Variants in LINGO1 observed in about 807,000 individuals in gnomAD.
LINGO1 encodes leucine rich repeat and Ig domain containing 1.
In LINGO1, 11 loss-of-function variants were observed where a neutral mutation model predicts 37.3. The observed-to-expected ratio is 0.29, with a 90% CI of 0.19 to 0.49. The LOEUF is 0.49. LINGO1 is among the 20% of genes least tolerant of loss of function. The pLI, the probability that LINGO1 is intolerant of heterozygous loss-of-function variation, is 0.99. For synonymous variants in LINGO1, 387 were observed against 403.0 expected, an observed-to-expected ratio of 0.96 and a Z score of 0.48; for missense variants, 585 against 878.2, an observed-to-expected ratio of 0.67 and a Z score of 4.22.
intron 2 of LINGO1, among the ~76,000 whole-genome samples, chr15:77,688,187 G>C (rs2075543969): frequency 6.6e-6 from 1 of 152,236 alleles, no homozygotes; most frequent in Admixed American, 6.5e-5. Context: ...TGCCTCTGAA[G>C]ACAGCAGGGC....
Position 77,710,807 on chromosome 15 carries a change from C to T in LINGO1, c.-194-19906G>A, listed in dbSNP as rs147679827. On this transcript the variant is annotated intron_variant, in intron 2 of 3. Transcript: ENST00000561686. Reference sequence around the variant, plus strand: ...CACACAGCAAGCTGGCCAACCGTGCCGGGCCGCCAGGCCCCCAGATTGCAG... The same window carrying T: ...CACACAGCAAGCTGGCCAACCGTGCTGGGCCGCCAGGCCCCCAGATTGCAG... 1.5e-3 allele frequency among the ~76,000 whole-genome samples: 221 copies of T among 152,368 alleles called. 3 individuals carry two copies. Among genetic ancestry groups the T allele is most frequent in the African/African-American group, 5.1e-3 (214 of 41,594 alleles).
At chr15:77,702,590 C>T (rs540101363) in intron 2 of LINGO1, among the ~76,000 whole-genome samples, 31 of 152,320 alleles carry the variant, frequency 2.0e-4, no homozygotes, top group African/African-American at 7.2e-4. Context: ...TATCAGTATT[C>T]TAATTCTCTA....
intron 2 of LINGO1, among the ~76,000 whole-genome samples, chr15:77,709,207 T>C (rs1247713933): frequency 6.6e-6 from 1 of 152,236 alleles, no homozygotes; most frequent in Non-Finnish European, 1.5e-5. Flanking sequence ...ACAATAATTG[T>C]TCTAACAACT....
chr15:77,621,063 T>C (rs1267525755), intron 1 of LINGO1, among the ~76,000 whole-genome samples: 1 of 151,742 alleles, frequency 6.6e-6, no homozygotes, highest in African/African-American at 2.4e-5. Context: ...GGGGCCTTTT[T>C]TTTTTCTTTT....
In LINGO1 at chr15:77,808,306, C is replaced by A. The variant is rs558304212; in HGVS notation, c.-458+11952G>T. ...GCCCTGACTGTCCTCTGAGAAGCCA[C>A]GGTCAGTTTCGCCGCAAGGCCTTTG... On this transcript the variant is annotated intron_variant, in intron 1 of 5. Transcript: ENST00000562933. Among the ~76,000 whole-genome samples, 161 of 152,288 alleles carry A rather than the reference C, an allele frequency of 1.1e-3. 1 individual carries two copies. Among genetic ancestry groups the A allele is most frequent in the African/African-American group, 3.8e-3 (159 of 41,584 alleles).
chr15:77,723,867 G>A (rs1010830559), intron 2 of LINGO1, among the ~76,000 whole-genome samples: 1 of 152,186 alleles, frequency 6.6e-6, no homozygotes, highest in Admixed American at 6.5e-5. Flanking sequence ...AGGCGGCTGT[G>A]AGGTAAGTCG....
At chr15:77,710,115 C>T (rs549329105) in intron 2 of LINGO1, among the ~76,000 whole-genome samples, 1 of 152,240 alleles carries the variant, frequency 6.6e-6, no homozygotes, top group South Asian at 2.1e-4. Context: ...TCTCCTGCTC[C>T]TTCCAGGCCT....
intron 3 of LINGO1, among the ~76,000 whole-genome samples, chr15:77,649,905 G>A (rs2074721564): frequency 6.6e-6 from 1 of 152,160 alleles, no homozygotes; most frequent in South Asian, 2.1e-4. Flanking sequence ...CACCCCAGGG[G>A]GTTGGTTATG....
intron 2 of LINGO1, among the ~76,000 whole-genome samples, chr15:77,688,832 TG>T (rs2141245351): frequency 6.6e-6 from 1 of 152,382 alleles, no homozygotes; most frequent in South Asian, 2.1e-4. Context: ...CACAGCATCC[TG>T]GGCACTTATC....
intron 1 of LINGO1, chr15:77,696,225 A>T (rs1555531632): frequency 2.6e-5 from 4 of 152,114 alleles, no homozygotes; most frequent in Non-Finnish European, 5.9e-5. Context: ...CACGGTGGGG[A>T]GGGGGGAGCA....
At chr15:77,674,476 C>G (rs2075298539) in intron 3 of LINGO1, among the ~76,000 whole-genome samples, 1 of 152,176 alleles carries the variant, frequency 6.6e-6, no homozygotes, top group African/African-American at 2.4e-5. Flanking sequence ...GCCTGCAGGC[C>G]CTGAGTGATG....
chr15:77,729,483 G>A (rs1378494835), intron 2 of LINGO1, among the ~76,000 whole-genome samples: 1 of 152,216 alleles, frequency 6.6e-6, no homozygotes, highest in Non-Finnish European at 1.5e-5. Context: ...GGGAGGGCTG[G>A]GAGCTGGTGG....
At chr15:77,817,388 T>C (rs1376930640) in intron 1 of LINGO1, among the ~76,000 whole-genome samples, 1 of 151,794 alleles carries the variant, frequency 6.6e-6, no homozygotes, top group African/African-American at 2.4e-5. Context: ...ATGGAGAGGG[T>C]AGGAAGGCTT....
chr15:77,644,851 G>C (rs1052524119), intron 3 of LINGO1, among the ~76,000 whole-genome samples: 11 of 152,168 alleles, frequency 7.2e-5, no homozygotes, highest in African/African-American at 2.7e-4. Context: ...TTTAGGGTTG[G>C]ATAAAGGGCC....
intron 1 of LINGO1, among the ~76,000 whole-genome samples, chr15:77,768,719 C>T (rs906464516): frequency 6.6e-6 from 1 of 152,156 alleles, no homozygotes; most frequent in Non-Finnish European, 1.5e-5. Context: ...CTCCTTTGCT[C>T]CCCGCCCCTC....
upstream of LINGO1, among the ~76,000 whole-genome samples, chr15:77,701,243 G>T (rs1385128827): frequency 2.0e-5 from 3 of 152,136 alleles, no homozygotes; most frequent in South Asian, 2.1e-4. Context: ...CAACAGGCCT[G>T]GGGGGTCTTT....
intron 1 of LINGO1, among the ~76,000 whole-genome samples, chr15:77,786,488 G>A (rs1428301663): frequency 6.6e-6 from 1 of 152,222 alleles, no homozygotes; most frequent in Admixed American, 6.5e-5. Context: ...GGGAGTGCCT[G>A]CGTGGCTATT....
At chr15:77,717,972 A>G (rs989810684) in intron 2 of LINGO1, among the ~76,000 whole-genome samples, 3 of 150,888 alleles carry the variant, frequency 2.0e-5, no homozygotes, top group South Asian at 2.1e-4. Flanking sequence ...CCCTCCGCAC[A>G]GGCAGAACTT....
chr15:77,736,318 T>A (rs1197017295), intron 1 of LINGO1, among the ~76,000 whole-genome samples: 1 of 152,156 alleles, frequency 6.6e-6, no homozygotes, highest in South Asian at 2.1e-4. Context: ...TTGAGACCTT[T>A]CCCTGTCCAT....
Sources: allele counts gnomAD v4.1 joint callset (sites outside exome capture counted in the v4.1 genomes callset), GRCh38; gene constraint gnomAD v4.1.1; transcripts MANE v1.5; gene names NCBI Gene and HGNC (gene_info 2026-07-23, HGNC 2026-07-21).